The following EYS variants were observed in gnomAD, a reference collection of about 807,000 sequenced individuals.
EYS encodes the protein protein eyes shut homolog.
In EYS, 250 loss-of-function variants were observed where a neutral mutation model predicts 282.1. That is an observed-to-expected ratio of 0.89 (90% CI 0.80 to 0.98). The LOEUF (loss-of-function observed/expected upper bound fraction) is 0.98. Among genes scored for constraint, EYS ranks in the 50% least tolerant of loss-of-function variants. The pLI is 0.00. For missense variants in EYS, 4,016 were observed against 3,709.0 expected (o/e 1.08, Z -2.15); for synonymous variants, 1,355 against 1,282.9 (o/e 1.06, Z -1.20).
In EYS at chr6:64,885,362, T is replaced by A. The variant is rs984962684; in HGVS notation, c.2992+1335A>T. ...AAAAGAAAAATAAAGAACATGTTAA[T>A]CTTTCAAATGTTGATACATTTAAAA... On this transcript the variant is annotated intron_variant, in intron 19 of 42. Transcript: ENST00000503581. Among the ~76,000 whole-genome samples, 8 of 151,760 alleles carry A rather than the reference T, an allele frequency of 5.3e-5. No homozygotes were observed. In the East Asian group the frequency reaches 1.5e-3, roughly 29 times the overall value.
intron 8 of EYS, among the ~76,000 whole-genome samples, chr6:65,358,908 TA>T (rs1373435114): frequency 3.9e-5 from 6 of 152,034 alleles, no homozygotes; most frequent in African/African-American, 1.4e-4. Context: ...ACTCGATGTA[TA>T]AAAACTGAAA....
At chr6:65,663,966 G>T (rs1008350162) in intron 1 of EYS, among the ~76,000 whole-genome samples, 44 of 148,422 alleles carry the variant, frequency 3.0e-4, no homozygotes, top group African/African-American at 1.1e-3. Context: ...CCGCCTCACG[G>T]GTTCAGGCCA....
intron 8 of EYS, among the ~76,000 whole-genome samples, chr6:65,383,663 C>G (rs1477467928): frequency 1.3e-5 from 2 of 151,530 alleles, no homozygotes; most frequent in Non-Finnish European, 2.9e-5. Flanking sequence ...CATCTACCTC[C>G]CTATAGTTTG....
chr6:64,747,673 C>A (rs924495288), intron 22 of EYS, among the ~76,000 whole-genome samples: 1 of 152,180 alleles, frequency 6.6e-6, no homozygotes, highest in Non-Finnish European at 1.5e-5. Context: ...CCACCATGCC[C>A]AGCCCTAGAA....
At chr6:65,197,556 T>C (rs1765799977) in intron 12 of EYS, among the ~76,000 whole-genome samples, 1 of 152,096 alleles carries the variant, frequency 6.6e-6, no homozygotes, top group Non-Finnish European at 1.5e-5. Context: ...ATTGATGACA[T>C]TAGATATATA....
chr6:65,331,925 T>C (rs1237097336), intron 11 of EYS: 1 of 180,460 alleles, frequency 5.5e-6, no homozygotes, highest in Non-Finnish European at 1.1e-5. Context: ...TTGGGTTGTT[T>C]CAACTTTTTG....
intron 12 of EYS, among the ~76,000 whole-genome samples, chr6:65,279,132 T>C (rs1444158999): frequency 2.0e-5 from 3 of 151,834 alleles, no homozygotes; most frequent in Non-Finnish European, 2.9e-5. Context: ...AGGTTGACAA[T>C]GAGCCAAGAT....
At chr6:64,778,723 C>A (rs76104644) in intron 22 of EYS, among the ~76,000 whole-genome samples, 1 of 152,012 alleles carries the variant, frequency 6.6e-6, no homozygotes. Context: ...ACATCACAAG[C>A]AAAAGATCCT....
intron 32 of EYS, 50 bp downstream of exon 32, chr6:64,081,806 C>A: frequency 7.5e-7 from 1 of 1,330,472 alleles, no homozygotes. Context: ...AATAGATCAA[C>A]GTTTGAGAAA....
intron 31 of EYS, among the ~76,000 whole-genome samples, chr6:64,107,651 A>G (rs766469375): frequency 5.3e-5 from 8 of 152,064 alleles, no homozygotes; most frequent in Non-Finnish European, 1.0e-4. Flanking sequence ...AATACTTTGT[A>G]TCCTTAAATC....
intron 22 of EYS, among the ~76,000 whole-genome samples, chr6:64,705,594 T>C (rs1240007260): frequency 1.3e-5 from 2 of 151,394 alleles, no homozygotes; most frequent in Non-Finnish European, 2.9e-5. Context: ...CCAACAATGA[T>C]AGACTGGGTT....
At chr6:64,556,000 A>G (rs1432797352) in intron 26 of EYS, among the ~76,000 whole-genome samples, 2 of 152,042 alleles carry the variant, frequency 1.3e-5, no homozygotes, top group Admixed American at 6.6e-5. Flanking sequence ...AGTGCTGACA[A>G]GGATGTAGAG....
chr6:64,435,478 G>A (rs1488103003), intron 28 of EYS, among the ~76,000 whole-genome samples: 4 of 126,602 alleles, frequency 3.2e-5, no homozygotes, highest in Admixed American at 8.0e-5. Context: ...TTAAACAGAT[G>A]TTTCCTTTTA....
chr6:65,212,491 T>C (rs1013898357), intron 12 of EYS, among the ~76,000 whole-genome samples: 15 of 152,160 alleles, frequency 9.9e-5, no homozygotes, highest in Admixed American at 2.0e-4. Flanking sequence ...TTCTCATATG[T>C]TAGCCACTAG....
Position 65,146,088 on chromosome 6 carries a change from T to C in EYS, c.2024-88361A>G, listed in dbSNP as rs1229066937. On this transcript the variant is annotated intron_variant, in intron 12 of 42. Coordinates refer to ENST00000503581, the MANE Select transcript of EYS (RefSeq NM_001142800.2). Reference sequence around the variant, plus strand: ...GTTTTGACTACTTTTTTGGTCAGTTTCCTTATTTTTAAGAGTATATTTAAA... The same window carrying C: ...GTTTTGACTACTTTTTTGGTCAGTTCCCTTATTTTTAAGAGTATATTTAAA... Among the ~76,000 whole-genome samples the C allele has an allele frequency of 2.0e-5, 3 of 151,804 alleles. No homozygotes were observed. The East Asian group carries it at 5.8e-4, about 29-fold the overall frequency.
chr6:63,872,952 A>G (rs552296454), intron 35 of EYS, among the ~76,000 whole-genome samples: 1 of 151,980 alleles, frequency 6.6e-6, no homozygotes, highest in East Asian at 2.0e-4. Context: ...GGAAGTGGGC[A>G]TGGAGAGAAA....
intron 30 of EYS, among the ~76,000 whole-genome samples, chr6:64,285,016 A>G (rs1269504843): frequency 6.6e-6 from 1 of 152,214 alleles, no homozygotes; most frequent in Non-Finnish European, 1.5e-5. Flanking sequence ...CTTGGAGATT[A>G]ACATTCAGCT....
chr6:65,244,895 T>A (rs1562046687), intron 12 of EYS, among the ~76,000 whole-genome samples: 1 of 152,166 alleles, frequency 6.6e-6, no homozygotes, highest in Non-Finnish European at 1.5e-5. Flanking sequence ...TGTGTTTATT[T>A]TTATTTCTAT....
intron 1 of EYS, among the ~76,000 whole-genome samples, chr6:65,649,390 T>C (rs189700615): frequency 6.6e-5 from 10 of 151,982 alleles, no homozygotes; most frequent in South Asian, 2.1e-4. Context: ...CACACACACA[T>C]ACACACATCC....
Sources: gnomAD v4.1 joint callset for allele counts (sites outside exome capture counted in the v4.1 genomes callset) on GRCh38, gnomAD v4.1.1 for gene constraint, MANE v1.5 for transcripts, NCBI Gene and HGNC (gene_info 2026-07-23, HGNC 2026-07-21) for gene names.